AIFM3: variants seen among roughly 807,000 people sequenced by gnomAD.
AIFM3 encodes apoptosis-inducing factor 3.
A neutral mutation model predicts 82.7 loss-of-function variants in AIFM3; 71 were observed. The ratio of observed to expected loss-of-function variants is 0.86; its 90% CI spans 0.71 to 1.05. The LOEUF is 1.05. AIFM3 is among the 50% of genes least tolerant of loss of function. The probability of loss-of-function intolerance (pLI) is 0.00; values close to 1 mark genes in which losing one functional copy is unlikely to be tolerated. For synonymous variants in AIFM3, 337 were observed against 329.1 expected, an observed-to-expected ratio of 1.02 and a Z score of -0.26; for missense variants, 748 against 816.7, an observed-to-expected ratio of 0.92 and a Z score of 1.03.
Position 20,973,830 on chromosome 22 carries a change from CCATAAGTGTCCGCACTACGGCG to C in AIFM3, c.321_342del (p.Lys108ProfsTer3), listed in dbSNP as rs777260937. ...ACAATGGGGAGTTCCACGCCCTGGGCCATAAGTGTCCGCACTACGGCGCACCCCTGGTGAAAGGTGAGCTGTC... is the reference window on the plus strand; with the variant it reads ...ACAATGGGGAGTTCCACGCCCTGGGCCACCCCTGGTGAAAGGTGAGCTGTC... On this transcript the variant is annotated frameshift_variant, in exon 4 of 21. Transcript: ENST00000440238. LOFTEE classifies it high-confidence loss of function. The C allele has an allele frequency of 1.3e-6, 2 of 1,574,874 alleles. No individual in the cohort carries two copies. Among genetic ancestry groups the C allele is most frequent in the South Asian group, 2.3e-5 (2 of 85,140 alleles).
chr22:20,969,032 G>C (rs1002660134), intron 2 of AIFM3, among the ~76,000 whole-genome samples: 1 of 152,174 alleles, frequency 6.6e-6, no homozygotes, highest in African/African-American at 2.4e-5. Context: ...TGGACACCTA[G>C]GCCTGGGCTG....
intron 2 of AIFM3, among the ~76,000 whole-genome samples, chr22:20,969,927 T>A (rs1374307697): frequency 1.3e-5 from 2 of 152,088 alleles, no homozygotes; most frequent in East Asian, 3.9e-4. Context: ...ATCCTTCACT[T>A]TCTATCTTGC....
Sources: allele counts gnomAD v4.1 joint callset (sites outside exome capture counted in the v4.1 genomes callset), GRCh38; gene constraint gnomAD v4.1.1; transcripts MANE v1.5; gene names NCBI Gene and HGNC (gene_info 2026-07-23, HGNC 2026-07-21).